The following RALYL variants were observed in gnomAD, a reference collection of about 807,000 sequenced individuals.
The protein encoded by RALYL is RALY RNA binding protein like.
Under a neutral mutation model 35.1 loss-of-function variants are expected in RALYL, and 29 were observed. The observed-to-expected ratio is 0.83, with a 90% CI of 0.61 to 1.13. RALYL has a LOEUF of 1.13. Ranked by LOEUF, RALYL falls within the 50% of genes most tolerant of loss-of-function variation. RALYL has a pLI of 0.00. For synonymous variants in RALYL, 120 were observed against 127.6 expected, an observed-to-expected ratio of 0.94 and a Z score of 0.40; for missense variants, 359 against 360.4, an observed-to-expected ratio of 1.00 and a Z score of 0.03.
chr8:84,830,629 T>C (rs979675360), intron 4 of RALYL, among the ~76,000 whole-genome samples: 2 of 152,128 alleles, frequency 1.3e-5, no homozygotes, highest in Non-Finnish European at 2.9e-5. Context: ...AAATAATATT[T>C]ATATGGTTAT....
intron 3 of RALYL, among the ~76,000 whole-genome samples, chr8:84,799,288 T>C (rs1471203862): frequency 6.6e-6 from 1 of 152,208 alleles, no homozygotes; most frequent in African/African-American, 2.4e-5. Context: ...GAAGTACCAC[T>C]AACAAACCCA....
At chr8:84,282,383 T>A (rs188452951) in intron 1 of RALYL, among the ~76,000 whole-genome samples, 2 of 152,210 alleles carry the variant, frequency 1.3e-5, no homozygotes, top group Admixed American at 6.6e-5. Flanking sequence ...ACATAGTAAT[T>A]GCTAAAGGAT....
intron 1 of RALYL, among the ~76,000 whole-genome samples, chr8:84,501,738 G>A (rs1187079126): frequency 1.3e-5 from 2 of 150,856 alleles, no homozygotes. Flanking sequence ...ATATCTCTGG[G>A]GATGGCTCAC....
intron 2 of RALYL, among the ~76,000 whole-genome samples, chr8:84,643,678 T>C (rs1826877661): frequency 1.3e-5 from 2 of 152,078 alleles, no homozygotes; most frequent in African/African-American, 2.4e-5. Flanking sequence ...ACTTGCTGCT[T>C]GCAGAGCCCA....
intron 1 of RALYL, among the ~76,000 whole-genome samples, chr8:84,229,112 G>A (rs138180696): frequency 2.6e-5 from 4 of 152,178 alleles, no homozygotes; most frequent in Non-Finnish European, 2.9e-5. Flanking sequence ...TCATTCATAC[G>A]TGCATACATA....
intron 1 of RALYL, among the ~76,000 whole-genome samples, chr8:84,391,950 C>G (rs1001553884): frequency 6.6e-6 from 1 of 151,896 alleles, no homozygotes; most frequent in African/African-American, 2.4e-5. Flanking sequence ...GGAAATGTCT[C>G]CAGAATTTTT....
chr8:84,353,549 A>C (rs1851297405), intron 1 of RALYL, among the ~76,000 whole-genome samples: 2 of 150,212 alleles, frequency 1.3e-5, no homozygotes, highest in Non-Finnish European at 3.0e-5. Context: ...GTAGCTTGAA[A>C]TTTTCATCAA....
chr8:84,785,322 G>T (rs1018345901), intron 3 of RALYL, among the ~76,000 whole-genome samples: 1 of 152,110 alleles, frequency 6.6e-6, no homozygotes, highest in Non-Finnish European at 1.5e-5. Context: ...CAACTAAGTT[G>T]TGTATCTGCT....
intron 1 of RALYL, among the ~76,000 whole-genome samples, chr8:84,209,125 CAAAAAAAAA>C (rs60246316): frequency 2.1e-5 from 2 of 97,536 alleles, no homozygotes; most frequent in African/African-American, 3.9e-5. Flanking sequence ...ACTCCTCCAC[CAAAAAAAAA>C]AAAAAAAAAA....
chr8:84,414,869 C>T (rs1210125033), intron 1 of RALYL, among the ~76,000 whole-genome samples: 1 of 152,128 alleles, frequency 6.6e-6, no homozygotes, highest in African/African-American at 2.4e-5. Context: ...GATGAATGTT[C>T]TGCTTCTTCA....
chr8:84,625,341 TC>T (rs1449337771), intron 2 of RALYL, among the ~76,000 whole-genome samples: 1 of 152,182 alleles, frequency 6.6e-6, no homozygotes, highest in African/African-American at 2.4e-5. Context: ...AAAGAACTCT[TC>T]CTGGAATTGT....
rs181037013 is a variant in RALYL, at chr8:84,625,020, T to G, written c.256+95443T>G. ...GTCACAGAGTACACAGAAACTGGAG[T>G]TTATTTGAATAGTGTTACAGTATAT... On this transcript the variant is annotated intron_variant, in intron 2 of 8. Transcript: ENST00000521268. Among the ~76,000 whole-genome samples, 8 of 152,214 alleles carry G rather than the reference T, an allele frequency of 5.3e-5. No individual in the cohort carries two copies. The East Asian group carries it at 1.5e-3, about 29-fold the overall frequency.
At chr8:84,407,071 C>CACAA (rs2043611417) in intron 1 of RALYL, among the ~76,000 whole-genome samples, 1 of 128,314 alleles carries the variant, frequency 7.8e-6, no homozygotes, top group Non-Finnish European at 1.7e-5. Context: ...CACACACAAA[C>CACAA]ACACACACAC....
intron 2 of RALYL, among the ~76,000 whole-genome samples, chr8:84,768,620 C>T (rs1814674733): frequency 6.6e-6 from 1 of 152,210 alleles, no homozygotes; most frequent in Non-Finnish European, 1.5e-5. Flanking sequence ...GTGTGGCTGA[C>T]TAGGAGCTAT....
chr8:84,298,600 T>C (rs192547058), intron 1 of RALYL, among the ~76,000 whole-genome samples: 3 of 152,222 alleles, frequency 2.0e-5, no homozygotes, highest in Admixed American at 2.0e-4. Context: ...AAAATGTCAT[T>C]GGTGGGTTTG....
At chr8:84,194,611 T>A (rs1814770116) in intron 1 of RALYL, among the ~76,000 whole-genome samples, 1 of 152,170 alleles carries the variant, frequency 6.6e-6, no homozygotes, top group East Asian at 1.9e-4. Flanking sequence ...TATGGAGTAT[T>A]TGTTAATACA....
chr8:84,404,017 A>G (rs1421415429), intron 1 of RALYL, among the ~76,000 whole-genome samples: 2 of 152,242 alleles, frequency 1.3e-5, no homozygotes, highest in East Asian at 3.9e-4. Context: ...ATTTTTGCAC[A>G]TTGATTTTGT....
intron 7 of RALYL, among the ~76,000 whole-genome samples, chr8:84,884,926 A>G (rs1842727919): frequency 1.3e-5 from 2 of 152,126 alleles, no homozygotes; most frequent in African/African-American, 2.4e-5. Flanking sequence ...TGATGTGTAC[A>G]AAAACTTCTT....
Position 84,555,538 on chromosome 8 carries a change from C to G in RALYL, c.256+25961C>G, listed in dbSNP as rs536987849. ...TCACTGGAAGAAATTGCCGTCTTCT[C>G]TTTCACTAACTGGTACAACTTCATT... On this transcript the variant is annotated intron_variant, in intron 2 of 8. Coordinates refer to ENST00000521268, the MANE Select transcript of RALYL (RefSeq NM_173848.7). Among the ~76,000 whole-genome samples the G allele has an allele frequency of 1.3e-4, 20 of 152,266 alleles. 1 individual carries two copies. In the South Asian group the frequency reaches 3.7e-3, roughly 28 times the overall value.
Sources: gnomAD v4.1 joint callset for allele counts (sites outside exome capture counted in the v4.1 genomes callset) on GRCh38, gnomAD v4.1.1 for gene constraint, MANE v1.5 for transcripts, NCBI Gene and HGNC (gene_info 2026-07-23, HGNC 2026-07-21) for gene names.